DAB1: variants seen among roughly 807,000 people sequenced by gnomAD.
DAB1 encodes disabled homolog 1.
A neutral mutation model predicts 64.6 loss-of-function variants in DAB1; 15 were observed. The ratio of observed to expected loss-of-function variants is 0.23; its 90% CI spans 0.16 to 0.36. The LOEUF (loss-of-function observed/expected upper bound fraction) is 0.36, where lower values mean the gene tolerates loss of function less well. Among genes scored for constraint, DAB1 ranks in the 10% least tolerant of loss-of-function variants. The pLI is 1.00. For missense variants in DAB1, 596 were observed against 706.7 expected, an observed-to-expected ratio of 0.84 and a Z score of 1.78; for synonymous variants, 235 against 251.9, an observed-to-expected ratio of 0.93 and a Z score of 0.64.
At chr1:57,657,209 A>G (rs1472837451) in intron 6 of DAB1, among the ~76,000 whole-genome samples, 1 of 152,156 alleles carries the variant, frequency 6.6e-6, no homozygotes, top group Non-Finnish European at 1.5e-5. Context: ...CTGTGTCCCA[A>G]TGAGAGCCAC....
At chr1:57,938,530 G>T (rs892238333) in intron 5 of DAB1, among the ~76,000 whole-genome samples, 1 of 151,996 alleles carries the variant, frequency 6.6e-6, no homozygotes, top group Non-Finnish European at 1.5e-5. Flanking sequence ...TCACTTGTTC[G>T]CTCTCTCTCA....
intron 3 of DAB1, among the ~76,000 whole-genome samples, chr1:58,475,616 T>C (rs574722824): frequency 7.9e-5 from 12 of 152,126 alleles, no homozygotes; most frequent in South Asian, 2.1e-4. Context: ...AGCCAAACTT[T>C]TGGAAGTGAC....
intron 5 of DAB1, among the ~76,000 whole-genome samples, chr1:58,147,306 CAAAAAA>C (rs1192982112): frequency 2.4e-5 from 1 of 41,702 alleles, no homozygotes; most frequent in Non-Finnish European, 4.4e-5. Flanking sequence ...GACTCCGTCT[CAAAAAA>C]AAAAAAAAAA....
intron 1 of DAB1, among the ~76,000 whole-genome samples, chr1:57,292,291 A>G (rs1357748877): frequency 6.6e-6 from 1 of 152,200 alleles, no homozygotes; most frequent in African/African-American, 2.4e-5. Context: ...AAATTATAGT[A>G]AAGCTTCAAT....
chr1:57,175,500 T>A (rs1452419220), intron 2 of DAB1, among the ~76,000 whole-genome samples: 2 of 152,152 alleles, frequency 1.3e-5, no homozygotes, highest in Non-Finnish European at 2.9e-5. Flanking sequence ...AATTTATTCA[T>A]GAGTTTTCTA....
chr1:57,516,448 C>T (rs112178898), intron 7 of DAB1, among the ~76,000 whole-genome samples: 10,674 of 152,216 alleles, frequency 0.07, 1,171 homozygotes, highest in African/African-American at 0.23. Flanking sequence ...TTTACACCCC[C>T]ATAAGTCAGC....
chr1:57,806,715 T>C (rs772809543), intron 6 of DAB1, among the ~76,000 whole-genome samples: 2 of 152,342 alleles, frequency 1.3e-5, no homozygotes, highest in Non-Finnish European at 2.9e-5. Flanking sequence ...TGGAATAGTC[T>C]TCCCCCAGTC....
intron 4 of DAB1, among the ~76,000 whole-genome samples, chr1:57,094,941 T>C (rs1322261199): frequency 6.6e-6 from 1 of 152,132 alleles, no homozygotes; most frequent in Non-Finnish European, 1.5e-5. Context: ...CTCGATCTCT[T>C]GCCCTATATT....
intron 4 of DAB1, among the ~76,000 whole-genome samples, chr1:58,330,317 G>T (rs1355355103): frequency 6.6e-6 from 1 of 152,226 alleles, no homozygotes; most frequent in Non-Finnish European, 1.5e-5. Context: ...TAACGAAGCT[G>T]CAGAAGAAAA....
intron 6 of DAB1, among the ~76,000 whole-genome samples, chr1:57,795,729 ATATATC>A (rs1364833327): frequency 6.1e-5 from 7 of 115,104 alleles, no homozygotes; most frequent in African/African-American, 1.4e-4. Flanking sequence ...ATATATATAT[ATATATC>A]ATACACATGT....
At chr1:57,067,008 G>A (rs1023613185) in intron 8 of DAB1, among the ~76,000 whole-genome samples, 1 of 127,106 alleles carries the variant, frequency 7.9e-6, no homozygotes, top group Admixed American at 8.0e-5. Flanking sequence ...ACACTTACAA[G>A]CCCTTAAAAA....
chr1:58,048,375 C>T, intron 5 of DAB1: 1 of 961,582 alleles, frequency 1.0e-6, no homozygotes, highest in East Asian at 2.4e-5. Flanking sequence ...CCACCACCTC[C>T]AAAACTGCTT....
rs1256414655 is a variant in DAB1 at position 57,291,089 on chromosome 1, G to A, written c.-59C>T. 1.7e-6 allele frequency: 2 copies of A among 1,198,154 alleles called. No individual in the cohort carries two copies. Among genetic ancestry groups the A allele is most frequent in the Non-Finnish European group, 2.4e-6 (2 of 831,236 alleles). The allele number at this position is 1,198,154 out of a possible 1,614,324, so 74.2% of individuals were successfully genotyped here. ...CCGGGCCTCGGCCAGGCTCATTGAGGACTCTTCTCCAAGAGAAAGACTCCT... is the reference window on the plus strand; with the variant it reads ...CCGGGCCTCGGCCAGGCTCATTGAGAACTCTTCTCCAAGAGAAAGACTCCT... On this transcript the variant is annotated 5_prime_UTR_variant, in exon 2 of 15. Transcript: ENST00000371236.
intron 6 of DAB1, among the ~76,000 whole-genome samples, chr1:57,770,858 G>A (rs1036003008): frequency 6.6e-6 from 1 of 152,140 alleles, no homozygotes; most frequent in Non-Finnish European, 1.5e-5. Context: ...TAGGATGGGA[G>A]AGAAGGAGAG....
intron 4 of DAB1, among the ~76,000 whole-genome samples, chr1:57,103,108 T>C (rs954373958): frequency 6.6e-6 from 1 of 151,910 alleles, no homozygotes; most frequent in Non-Finnish European, 1.5e-5. Flanking sequence ...TAACACTAAA[T>C]CCCTGGGTGC....
chr1:58,018,589 T>C (rs1025887569), intron 5 of DAB1, among the ~76,000 whole-genome samples: 1 of 152,202 alleles, frequency 6.6e-6, no homozygotes, highest in Non-Finnish European at 1.5e-5. Context: ...ACCTTAGAGA[T>C]TTATCTGGCA....
intron 2 of DAB1, among the ~76,000 whole-genome samples, chr1:57,161,356 A>T (rs776247750): frequency 1.3e-5 from 2 of 152,246 alleles, no homozygotes; most frequent in Non-Finnish European, 2.9e-5. Context: ...AGGCAACTCA[A>T]AGTCCCCCGG....
At chr1:58,246,144 G>A (rs1660519904) in intron 4 of DAB1, among the ~76,000 whole-genome samples, 1 of 151,918 alleles carries the variant, frequency 6.6e-6, no homozygotes, top group Non-Finnish European at 1.5e-5. Context: ...AAATGAATAA[G>A]AGAAAATAAA....
At chr1:58,517,237 T>C (rs1386970172) in intron 2 of DAB1, among the ~76,000 whole-genome samples, 1 of 152,214 alleles carries the variant, frequency 6.6e-6, no homozygotes, top group Non-Finnish European at 1.5e-5. Flanking sequence ...CTGACCCCTA[T>C]GCTAGACAAG....
Sources: gnomAD v4.1 joint callset for allele counts (sites outside exome capture counted in the v4.1 genomes callset) on GRCh38, gnomAD v4.1.1 for gene constraint, MANE v1.5 for transcripts, NCBI Gene and HGNC (gene_info 2026-07-23, HGNC 2026-07-21) for gene names.